The following FNDC3A variants were observed in gnomAD, a reference collection of about 807,000 sequenced individuals.
FNDC3A encodes fibronectin type-III domain-containing protein 3A.
Under a neutral mutation model 148.9 loss-of-function variants are expected in FNDC3A, and 32 were observed. That is an observed-to-expected ratio of 0.21 (90% confidence interval 0.16 to 0.29). The LOEUF (loss-of-function observed/expected upper bound fraction) is 0.29. Ranked by LOEUF, FNDC3A falls within the 10% of genes least tolerant of loss-of-function variation. The probability of loss-of-function intolerance (pLI) is 1.00; values close to 1 mark genes in which losing one functional copy is unlikely to be tolerated. For synonymous variants in FNDC3A, 472 were observed against 473.6 expected (o/e 1.00, Z 0.04); for missense variants, 1,191 against 1,452.8 (o/e 0.82, Z 2.93).
chr13:48,983,475 G>A (rs992556665), intron 1 of FNDC3A, among the ~76,000 whole-genome samples: 2 of 152,148 alleles, frequency 1.3e-5, no homozygotes, highest in South Asian at 2.1e-4. Flanking sequence ...TACTTAAACT[G>A]TGCTACAGGA....
intron 6 of FNDC3A, among the ~76,000 whole-genome samples, chr13:49,138,281 T>TA (rs746279481): frequency 6.6e-6 from 1 of 152,182 alleles, no homozygotes; most frequent in Non-Finnish European, 1.5e-5. Flanking sequence ...GAAATTAAGT[T>TA]AAAGTTTTTT....
intron 2 of FNDC3A, among the ~76,000 whole-genome samples, chr13:49,047,695 C>T (rs185348694): frequency 1.9e-3 from 287 of 152,162 alleles, no homozygotes; most frequent in Middle Eastern, 3.4e-3. Context: ...GGATATAGTC[C>T]TTTGTCGGAT....
intron 3 of FNDC3A, among the ~76,000 whole-genome samples, chr13:49,096,218 G>A (rs1305389750): frequency 6.6e-6 from 1 of 152,076 alleles, no homozygotes; most frequent in Non-Finnish European, 1.5e-5. Context: ...CATAATGGTT[G>A]CAGGACAGGA....
intron 2 of FNDC3A, among the ~76,000 whole-genome samples, chr13:49,017,563 A>G (rs1486189955): frequency 2.0e-5 from 3 of 152,092 alleles, no homozygotes; most frequent in Non-Finnish European, 2.9e-5. Context: ...CAAATTTGCC[A>G]GTCTGTGTCT....
intron 2 of FNDC3A, among the ~76,000 whole-genome samples, chr13:49,052,695 G>A (rs572088314): frequency 6.6e-6 from 1 of 152,292 alleles, no homozygotes; most frequent in Admixed American, 6.5e-5. Flanking sequence ...ATCAGCTGTG[G>A]TCCTATAGGG....
chr13:49,055,570 A>G (rs900484327), intron 2 of FNDC3A, among the ~76,000 whole-genome samples: 1 of 152,178 alleles, frequency 6.6e-6, no homozygotes, highest in Non-Finnish European at 1.5e-5. Flanking sequence ...CGTCATCTGC[A>G]TGATAAAATT....
At chr13:49,192,895 G>A (rs930122688) in intron 19 of FNDC3A, among the ~76,000 whole-genome samples, 17 of 151,990 alleles carry the variant, frequency 1.1e-4, no homozygotes, top group African/African-American at 3.6e-4. Context: ...TGTACTATAA[G>A]TACACTATTT....
chr13:49,148,440 T>C (rs561631930), intron 8 of FNDC3A, among the ~76,000 whole-genome samples: 56 of 152,340 alleles, frequency 3.7e-4, no homozygotes, highest in African/African-American at 1.3e-3. Context: ...GGATATCCAA[T>C]TTTCCTAGCA....
At chr13:49,094,772 C>A (rs573758618) in intron 3 of FNDC3A, among the ~76,000 whole-genome samples, 1 of 152,030 alleles carries the variant, frequency 6.6e-6, no homozygotes, top group Admixed American at 6.6e-5. Flanking sequence ...CTAGAAAATA[C>A]TTCCAAGAGG....
At chr13:49,006,115 A>G in intron 1 of FNDC3A, 37 bp from the exon 2 acceptor site, 1 of 729,042 alleles carries the variant, frequency 1.4e-6, no homozygotes, top group Non-Finnish European at 2.4e-6. Flanking sequence ...TATTTTAAGG[A>G]TATACTTACA....
At chr13:48,993,591 AC>A (rs1951962136) in intron 1 of FNDC3A, among the ~76,000 whole-genome samples, 1 of 152,230 alleles carries the variant, frequency 6.6e-6, no homozygotes, top group Non-Finnish European at 1.5e-5. Flanking sequence ...CCATACATGA[AC>A]TTTTTTTTAA....
chr13:49,123,343 TAACTC>T (rs1881483065), intron 4 of FNDC3A, among the ~76,000 whole-genome samples: 1 of 152,064 alleles, frequency 6.6e-6, no homozygotes, highest in African/African-American at 2.4e-5. Context: ...ATACAAAAAT[TAACTC>T]AAGATGGATT....
chr13:49,191,271 G>A lies in FNDC3A; in HGVS notation c.2113G>A (p.Glu705Lys), dbSNP rs377680326. ...TTACAGTGTGGAAATGTCTCCTATAGAAAAAGATGAACCTAGAGAAGTTTA... is the reference window on the plus strand; with the variant it reads ...TTACAGTGTGGAAATGTCTCCTATAAAAAAAGATGAACCTAGAGAAGTTTA... ...SCYSVEMSPI[E>K]KDEPREVYQG... The change falls in exon 19 of 26, where the codon GAA becomes AAA. Residue 705 changes from glutamate to lysine, a missense_variant. Transcript: ENST00000492622. 9.3e-6 allele frequency: 15 copies of A among 1,613,264 alleles called. No homozygotes were observed. The highest frequency in any genetic ancestry group is 1.3e-5 in the Non-Finnish European group (15 of 1,179,768).
intron 2 of FNDC3A, among the ~76,000 whole-genome samples, chr13:49,017,349 T>C (rs1872885306): frequency 6.6e-6 from 1 of 152,212 alleles, no homozygotes; most frequent in Admixed American, 6.5e-5. Flanking sequence ...CCCTTTACCA[T>C]TATGTAATGG....
chr13:49,160,208 T>C (rs1265081341), intron 8 of FNDC3A, among the ~76,000 whole-genome samples: 1 of 152,222 alleles, frequency 6.6e-6, no homozygotes, highest in Non-Finnish European at 1.5e-5. Context: ...AGCTCCTCTT[T>C]ATACCTGTGG....
chr13:49,015,615 G>T (rs938788119), intron 2 of FNDC3A, among the ~76,000 whole-genome samples: 1 of 152,098 alleles, frequency 6.6e-6, no homozygotes, highest in Non-Finnish European at 1.5e-5. Flanking sequence ...TAATTGCCCT[G>T]GCCAGAACTT....
Position 49,107,574 on chromosome 13 carries a change from GCTT to G in FNDC3A, c.176-7075_176-7073del, listed in dbSNP as rs201155532. On this transcript the variant is annotated intron_variant, in intron 3 of 25. Coordinates refer to ENST00000492622, the MANE Select transcript of FNDC3A (RefSeq NM_001079673.2). ...ACCTTTGATCTAGTGAAGGAACAAT[GCTT>G]CTTCTGCAAATAGAGGAAAGGAATT... Among the ~76,000 whole-genome samples, 1,156 of 152,264 alleles carry G rather than the reference GCTT, an allele frequency of 7.6e-3. 20 individuals are homozygous for G. The highest frequency in any genetic ancestry group is 0.026 in the African/African-American group (1,097 of 41,544).
intron 4 of FNDC3A, among the ~76,000 whole-genome samples, chr13:49,115,611 A>T (rs1481674619): frequency 6.6e-6 from 1 of 152,130 alleles, no homozygotes; most frequent in Admixed American, 6.5e-5. Context: ...GAAAAGCTGA[A>T]TCCATATCTT....
In FNDC3A at chr13:49,175,498, A is replaced by G; in HGVS notation, c.1487A>G (p.Asp496Gly). 6.2e-7 allele frequency: 1 copy of G among 1,611,456 alleles called. No individual in the cohort carries two copies. Among genetic ancestry groups the G allele is most frequent in the South Asian group, 1.1e-5 (1 of 90,492 alleles). Residue 496 changes from aspartate (D) to glycine (G), a missense_variant, in exon 13 of 26, where the codon GAT becomes GGT. By Grantham distance (94) the Asp-to-Gly change is moderately conservative (BLOSUM62 -1). Around this residue, in one of 3 missense-constraint regions of FNDC3A, gnomAD observed 751 missense variants for 944.0 expected, o/e 0.80. Transcript: ENST00000492622. ...QWSKPSGTPS[D>G]EGISYILEME... ...AGTAAGCCCTCAGGAACACCATCAG[A>G]TGAAGGAATTTCTTACATTTTAGAG...
Sources: gnomAD v4.1 joint callset for allele counts (sites outside exome capture counted in the v4.1 genomes callset) on GRCh38, gnomAD v4.1.1 for gene constraint, gnomAD v4.1.1 regional missense constraint, MANE v1.5 for transcripts, NCBI Gene and HGNC (gene_info 2026-07-23, HGNC 2026-07-21) for gene names.